The following CHL1 variants were observed in gnomAD, a reference collection of about 807,000 sequenced individuals.
CHL1 encodes cell adhesion molecule L1 like.
A neutral mutation model predicts 141.9 loss-of-function variants in CHL1; 96 were observed. The observed-to-expected ratio is 0.68, with a 90% CI of 0.57 to 0.80. The LOEUF (loss-of-function observed/expected upper bound fraction) is 0.80. Among genes scored for constraint, CHL1 ranks in the 30% least tolerant of loss-of-function variants. CHL1 has a pLI of 0.00. For missense variants in CHL1, 1,820 were observed against 1,457.2 expected, an observed-to-expected ratio of 1.25 and a Z score of -4.05; for synonymous variants, 613 against 502.2, an observed-to-expected ratio of 1.22 and a Z score of -2.95.
At chr3:255,341 T>G (rs434172) in intron 2 of CHL1, among the ~76,000 whole-genome samples, 1 of 152,216 alleles carries the variant, frequency 6.6e-6, no homozygotes, top group African/African-American at 2.4e-5. Flanking sequence ...TAGAGTTTCA[T>G]GTGATCATAA....
chr3:223,483 A>C (rs1701046427), intron 1 of CHL1, among the ~76,000 whole-genome samples: 1 of 152,244 alleles, frequency 6.6e-6, no homozygotes, highest in Non-Finnish European at 1.5e-5. Flanking sequence ...ATAAAGAATA[A>C]GACCTATCTC....
chr3:368,933 G>A (rs759078346), intron 15 of CHL1, among the ~76,000 whole-genome samples: 14 of 152,038 alleles, frequency 9.2e-5, no homozygotes, highest in Non-Finnish European at 1.8e-4. Flanking sequence ...TGAGGTCTCT[G>A]TTCTGCTCCA....
chr3:210,429 C>G (rs1261126468), intron 1 of CHL1, among the ~76,000 whole-genome samples: 2 of 152,126 alleles, frequency 1.3e-5, no homozygotes, highest in Non-Finnish European at 2.9e-5. Context: ...GCTGGTGGCC[C>G]CAGGATGGCT....
chr3:217,293 C>T (rs372657814), intron 1 of CHL1, among the ~76,000 whole-genome samples: 2 of 152,028 alleles, frequency 1.3e-5, no homozygotes, highest in African/African-American at 2.4e-5. Flanking sequence ...GCATGTGTAG[C>T]TCTGATTCTA....
At chr3:202,994 G>A (rs2125331363) in intron 1 of CHL1, among the ~76,000 whole-genome samples, 1 of 152,270 alleles carries the variant, frequency 6.6e-6, no homozygotes, top group Middle Eastern at 3.4e-3. Context: ...TGTGACTTTG[G>A]GGTTTTGAAT....
rs781152099 is a variant in CHL1, at chr3:365,978, G to A, written c.1614G>A (p.Lys538=). The A allele has an allele frequency of 2.8e-5, 45 of 1,613,242 alleles. 1 individual carries two copies. The East Asian group carries it at 9.8e-4, about 35-fold the overall frequency. Residue 538 remains lysine (K), a synonymous_variant, in exon 15 of 28, where the codon AAG becomes AAA. Coordinates refer to ENST00000256509, the MANE Select transcript of CHL1 (RefSeq NM_006614.4). ...CTACAAAACTTAGAGTTTCTCCTAA[G>A]AATCCTCGTATCCCCAAATTGCATA... ...RNATKLRVSP[K]NPRIPKLHML...
intron 2 of CHL1, among the ~76,000 whole-genome samples, chr3:304,143 A>C (rs1699012591): frequency 6.6e-6 from 1 of 152,184 alleles, no homozygotes; most frequent in Admixed American, 6.5e-5. Flanking sequence ...TCCATTTGCT[A>C]GTATTTTATT....
chr3:387,859 G>A (rs180727966), intron 19 of CHL1, among the ~76,000 whole-genome samples: 1 of 151,954 alleles, frequency 6.6e-6, no homozygotes, highest in African/African-American at 2.4e-5. Context: ...TTTTCCCTCA[G>A]TTAGTTTAGT....
intron 3 of CHL1, among the ~76,000 whole-genome samples, chr3:325,232 C>T (rs991901761): frequency 2.0e-5 from 3 of 150,592 alleles, no homozygotes; most frequent in Non-Finnish European, 3.0e-5. Context: ...AAATGCTAAA[C>T]TATTTTATTA....
intron 25 of CHL1, 68 bp downstream of exon 25, chr3:398,453 C>T: frequency 4.1e-6 from 4 of 966,814 alleles, no homozygotes; most frequent in Non-Finnish European, 6.3e-6. Flanking sequence ...TTAGTGTTGC[C>T]TGTGTCCTAT....
intron 2 of CHL1, among the ~76,000 whole-genome samples, chr3:293,939 T>C (rs1697947311): frequency 6.6e-6 from 1 of 152,038 alleles, no homozygotes; most frequent in Non-Finnish European, 1.5e-5. Flanking sequence ...TTTTTGAATT[T>C]TTTTGTAGAG....
intron 9 of CHL1, among the ~76,000 whole-genome samples, chr3:345,546 C>T (rs868376832): frequency 5.2e-4 from 79 of 151,938 alleles, no homozygotes; most frequent in Middle Eastern, 6.8e-3. Context: ...TGCAGAGGCG[C>T]GATCTCAGCT....
chr3:280,430 C>G (rs575434323), intron 2 of CHL1, among the ~76,000 whole-genome samples: 3 of 151,854 alleles, frequency 2.0e-5, no homozygotes, highest in South Asian at 4.2e-4. Flanking sequence ...TGAAGAGCCA[C>G]AAAATAATTT....
intron 2 of CHL1, among the ~76,000 whole-genome samples, chr3:302,009 T>C (rs900742204): frequency 6.6e-6 from 1 of 152,228 alleles, no homozygotes; most frequent in Non-Finnish European, 1.5e-5. Context: ...CATGGTTTTC[T>C]GATCTTGTGA....
chr3:377,187 C>T (rs1706436484), intron 15 of CHL1, among the ~76,000 whole-genome samples: 1 of 152,084 alleles, frequency 6.6e-6, no homozygotes, highest in Non-Finnish European at 1.5e-5. Context: ...AACCTGATCA[C>T]AAATTGGTAA....
intron 27 of CHL1, among the ~76,000 whole-genome samples, chr3:404,389 G>A (rs1365084663): frequency 6.6e-6 from 1 of 152,112 alleles, no homozygotes; most frequent in East Asian, 1.9e-4. Flanking sequence ...TTTTCCAAAT[G>A]CTTCATTGAT....
At chr3:232,102 T>TGG (rs1286954957) in intron 1 of CHL1, among the ~76,000 whole-genome samples, 2 of 152,016 alleles carry the variant, frequency 1.3e-5, no homozygotes, top group Non-Finnish European at 2.9e-5. Context: ...ACGTTATGCT[T>TGG]GGAATTCGTA....
rs747009903 is a variant in CHL1 at position 354,721 on chromosome 3, G to T, written c.1115G>T (p.Gly372Val). Residue 372 changes from glycine to valine, a missense_variant, in exon 11 of 28, where the codon GGA (glycine) becomes GTA (valine). Coordinates refer to ENST00000256509, the MANE Select transcript of CHL1 (RefSeq NM_006614.4). The part of the protein sequence containing the change: ...SNGILLCEAE[G>V]EPQPTIKWRV... ...GGCATCTTGTTATGTGAGGCTGAAG[G>T]AGAACCTCAACCCACAATCAAGTGG... The T allele has an allele frequency of 6.2e-7, 1 of 1,613,992 alleles. No homozygotes were observed. The highest frequency in any genetic ancestry group is 8.5e-7 in the Non-Finnish European group (1 of 1,179,902).
intron 3 of CHL1, among the ~76,000 whole-genome samples, chr3:324,004 AT>A (rs751857121): frequency 6.6e-6 from 1 of 152,156 alleles, no homozygotes; most frequent in African/African-American, 2.4e-5. Flanking sequence ...ATAAGTAAAC[AT>A]TTTGAAAGAC....
Sources: allele counts gnomAD v4.1 joint callset (sites outside exome capture counted in the v4.1 genomes callset), GRCh38; gene constraint gnomAD v4.1.1; transcripts MANE v1.5; gene names NCBI Gene and HGNC (gene_info 2026-07-23, HGNC 2026-07-21).